The following CEP164 variants were observed in gnomAD, a reference collection of about 807,000 sequenced individuals.
CEP164 encodes the protein centrosomal protein 164, also known as centrosomal protein of 164 kDa.
Under a neutral mutation model 182.7 loss-of-function variants are expected in CEP164, and 162 were observed. That is an observed-to-expected ratio of 0.89 (90% CI 0.78 to 1.01). CEP164 has a LOEUF of 1.01. Ranked by LOEUF, CEP164 falls within the 50% of genes least tolerant of loss-of-function variation. The pLI is 0.00. For missense variants in CEP164, 1,735 were observed against 1,790.4 expected, an observed-to-expected ratio of 0.97 and a Z score of 0.56; for synonymous variants, 661 against 690.0, an observed-to-expected ratio of 0.96 and a Z score of 0.66.
Position 117,394,582 on chromosome 11 carries a change from T to A in CEP164, c.2760+89T>A, listed in dbSNP as rs188001715. The A allele has an allele frequency of 1.9e-4, 282 of 1,505,828 alleles. No homozygotes were observed. Among genetic ancestry groups the A allele is most frequent in the Middle Eastern group, 4.8e-4 (2 of 4,190 alleles). The allele number at this position is 1,505,828 out of a possible 1,614,324, so 93.3% of individuals were successfully genotyped here. On this transcript the variant is annotated intron_variant, in intron 21 of 32. Coordinates refer to ENST00000278935, the MANE Select transcript of CEP164 (RefSeq NM_014956.5). This position sits in a 1 kb window ranked among gnomAD's most constrained non-coding sequence, Gnocchi z 4.0. ...GAGCAGACGCATGGCCCCAGCAGGATGCAGCCTGACAGCTTCTGGAGTGAG... is the reference window on the plus strand; with the variant it reads ...GAGCAGACGCATGGCCCCAGCAGGAAGCAGCCTGACAGCTTCTGGAGTGAG...
At chr11:117,404,293 A>G (rs1287553856) in intron 27 of CEP164, among the ~76,000 whole-genome samples, 1 of 152,190 alleles carries the variant, frequency 6.6e-6, no homozygotes, top group Non-Finnish European at 1.5e-5. Context: ...TCATGGATTT[A>G]TCTACCTTTG....
chr11:117,393,059 G>C lies in CEP164; in HGVS notation c.2549G>C (p.Arg850Thr). 6.2e-7 allele frequency: 1 copy of C among 1,613,804 alleles called. No homozygotes were observed. Among genetic ancestry groups the C allele is most frequent in the Non-Finnish European group, 8.5e-7 (1 of 1,179,924 alleles). ...RQEVEGEHER[R>T]LDKMKEEHQQ... The stretch of plus-strand genomic sequence containing the variant: ...GAAGTGGAAGGGGAGCATGAGAGGA[G>C]GTTGGACAAGATGAAGGAGGAGCAC... The change falls in exon 20 of 33, where the codon AGG (arginine) becomes ACG (threonine). Residue 850 changes from arginine to threonine, a missense_variant. Coordinates refer to ENST00000278935, the MANE Select transcript of CEP164 (RefSeq NM_014956.5).
chr11:117,352,077 T>G (rs1366904341), intron 5 of CEP164, 89 bp downstream of exon 5: 5 of 1,091,444 alleles, frequency 4.6e-6, no homozygotes, highest in Non-Finnish European at 6.6e-6. Flanking sequence ...GCTGGGAGGT[T>G]GAAGACAACA....
intron 17 of CEP164, among the ~76,000 whole-genome samples, chr11:117,391,784 T>C (rs2136339427): frequency 6.6e-6 from 1 of 152,340 alleles, no homozygotes; most frequent in South Asian, 2.1e-4. Flanking sequence ...TGAGCACTTG[T>C]AGTACAGTGC....
chr11:117,383,006 T>C, intron 14 of CEP164, 64 bp downstream of exon 14: 1 of 1,554,722 alleles, frequency 6.4e-7, no homozygotes, highest in Non-Finnish European at 8.7e-7. Context: ...TCAGTGCCTA[T>C]TCACTCTTGG....
intron 24 of CEP164, 68 bp from the exon 25 acceptor site, chr11:117,395,986 G>GA (rs987426065): frequency 2.1e-5 from 34 of 1,598,400 alleles, no homozygotes; most frequent in Non-Finnish European, 2.7e-5. Flanking sequence ...AGATGGTTCT[G>GA]ACCCACTTCA....
At chr11:117,402,849 CT>C (rs2136684754) in intron 27 of CEP164, among the ~76,000 whole-genome samples, 1 of 152,276 alleles carries the variant, frequency 6.6e-6, no homozygotes, top group South Asian at 2.1e-4. Flanking sequence ...TAACAACTTG[CT>C]TTATGCATCT....
At position 117,394,125 on chromosome 11, in the gene CEP164, C is replaced by G. The variant is rs999819435; in HGVS notation, c.2617-225C>G. ...AGGGAGAGCCAGAAAGGGAATCTGTCGTGGTGTCTGACCAGCCTCTGCTTC... is the reference window on the plus strand; with the variant it reads ...AGGGAGAGCCAGAAAGGGAATCTGTGGTGGTGTCTGACCAGCCTCTGCTTC... On this transcript the variant is annotated intron_variant, in intron 20 of 32. Transcript: ENST00000278935. This position sits in a 1 kb window ranked among gnomAD's most constrained non-coding sequence, Gnocchi z 4.0. Among the ~76,000 whole-genome samples, 1 of 152,250 alleles carries G rather than the reference C, an allele frequency of 6.6e-6. No homozygotes were observed. The highest frequency in any genetic ancestry group is 2.4e-5 in the African/African-American group (1 of 41,464).
chr11:117,394,763 G>A lies in CEP164; in HGVS notation c.2761-157G>A, dbSNP rs1222578667. ...TGCCCCAGCAGGAAGTAAACAAGGT[G>A]TGGAGCCTTCCTGGGAGGCTGCAGG... On this transcript the variant is annotated intron_variant, in intron 21 of 32. Coordinates refer to ENST00000278935, the MANE Select transcript of CEP164 (RefSeq NM_014956.5). This position sits in a 1 kb window ranked among gnomAD's most constrained non-coding sequence, Gnocchi z 4.0. 1.3e-5 allele frequency among the ~76,000 whole-genome samples: 2 copies of A among 152,234 alleles called. No homozygotes were observed. The highest frequency in any genetic ancestry group is 4.8e-5 in the African/African-American group (2 of 41,458).
At chr11:117,410,642 C>T in intron 30 of CEP164, 186 bp from the exon 31 acceptor site, 1 of 521,110 alleles carries the variant, frequency 1.9e-6, no homozygotes, top group Non-Finnish European at 3.4e-6. Context: ...TTGCCCTAAC[C>T]CAAATTGAAA....
At chr11:117,351,666 C>G in intron 4 of CEP164, 124 bp from the exon 5 acceptor site, 1 of 815,738 alleles carries the variant, frequency 1.2e-6, no homozygotes, top group Non-Finnish European at 2.0e-6. Context: ...CTTCTCCCTC[C>G]CTTTTCCACC....
intron 5 of CEP164, among the ~76,000 whole-genome samples, chr11:117,352,976 T>C (rs521329): frequency 1 from 151,866 of 152,282 alleles, 75,736 homozygotes; most frequent in Middle Eastern, 1. Flanking sequence ...TACAACTGAG[T>C]CTAGGAGGTG....
intron 25 of CEP164, 46 bp downstream of exon 25, chr11:117,396,226 T>A: frequency 6.3e-7 from 1 of 1,583,598 alleles, no homozygotes; most frequent in Middle Eastern, 2.0e-4. Flanking sequence ...CAGGATGGTG[T>A]GGGGCATTGG....
chr11:117,339,515 G>GTTTTTTTTTTTTTTTTT (rs1199425322), intron 3 of CEP164, among the ~76,000 whole-genome samples: 1 of 90,870 alleles, frequency 1.1e-5, no homozygotes. Flanking sequence ...CTTTTCCTTT[G>GTTTTTTTTTTTTTTTTT]TTTTTTGTTT....
rs1333455589 is a variant in CEP164 at position 117,403,565 on chromosome 11, T to C, written c.3502-4360T>C. 2.0e-5 allele frequency among the ~76,000 whole-genome samples: 3 copies of C among 152,324 alleles called. No homozygotes were observed. In the East Asian group the frequency reaches 5.8e-4, roughly 29 times the overall value. On this transcript the variant is annotated intron_variant, in intron 27 of 32. Transcript: ENST00000278935. ...CTTCCCTTTGTGGGTAACCCGACCT[T>C]TCTCTCTGGCTGCCCTTAACATTTT... is the stretch of plus-strand genomic sequence containing the variant.
chr11:117,359,595 C>A (rs573577003), intron 5 of CEP164: 1 of 985,332 alleles, frequency 1.0e-6, no homozygotes, highest in East Asian at 1.1e-4. Flanking sequence ...TCAGCCTGAC[C>A]GCCTCTGGGT....
At chr11:117,322,086 C>T (rs1457967218) in intron 1 of CEP164, among the ~76,000 whole-genome samples, 2 of 152,088 alleles carry the variant, frequency 1.3e-5, no homozygotes, top group African/African-American at 4.8e-5. Flanking sequence ...ATAATGATCA[C>T]ATCAGGATAT....
intron 8 of CEP164, among the ~76,000 whole-genome samples, chr11:117,367,960 G>A (rs914755949): frequency 6.6e-6 from 1 of 152,164 alleles, no homozygotes; most frequent in African/African-American, 2.4e-5. Context: ...ATATAACCGT[G>A]TAAAGTAAAT....
chr11:117,373,975 C>A, intron 10 of CEP164, 144 bp downstream of exon 10: 1 of 637,322 alleles, frequency 1.6e-6, no homozygotes, highest in Non-Finnish European at 2.8e-6. Flanking sequence ...GCTCCAGTTT[C>A]TCAACCCATT....
Sources: allele counts gnomAD v4.1 joint callset (sites outside exome capture counted in the v4.1 genomes callset), GRCh38; gene constraint gnomAD v4.1.1; non-coding constraint Gnocchi (gnomAD v3.1); transcripts MANE v1.5; gene names NCBI Gene and HGNC (gene_info 2026-07-23, HGNC 2026-07-21).